The following PDHX variants were observed in gnomAD, a reference collection of about 807,000 sequenced individuals.
The protein encoded by PDHX is pyruvate dehydrogenase complex component X.
PDHX carries 33 observed loss-of-function variants against 55.3 expected under a neutral mutation model. The ratio of observed to expected loss-of-function variants is 0.60; its 90% CI spans 0.45 to 0.80. PDHX has a LOEUF of 0.80. Among genes scored for constraint, PDHX ranks in the 30% least tolerant of loss-of-function variants. The probability of loss-of-function intolerance (pLI) is 0.00; values close to 1 mark genes in which losing one functional copy is unlikely to be tolerated. For synonymous variants in PDHX, 226 were observed against 219.4 expected (o/e 1.03, Z -0.27); for missense variants, 622 against 619.9 (o/e 1.00, Z -0.04).
intron 6 of PDHX, 132 bp downstream of exon 6, chr11:34,966,946 A>T: frequency 2.7e-6 from 2 of 752,836 alleles, no homozygotes; most frequent in Non-Finnish European, 2.2e-6. Context: ...CTGCCTCCCA[A>T]GTTCAAGTGA....
chr11:34,949,532 C>T (rs188213252), intron 3 of PDHX, among the ~76,000 whole-genome samples: 1 of 152,210 alleles, frequency 6.6e-6, no homozygotes, highest in African/African-American at 2.4e-5. Context: ...CCACCATGCC[C>T]TGTCAAAACT....
intron 10 of PDHX, among the ~76,000 whole-genome samples, chr11:34,992,910 A>G (rs889295679): frequency 2.0e-5 from 3 of 151,604 alleles, no homozygotes; most frequent in Non-Finnish European, 4.4e-5. Flanking sequence ...TTTAGCAGCT[A>G]CTACCAAACA....
Position 34,960,492 on chromosome 11 carries a change from T to A in PDHX, c.615T>A (p.Thr205=), listed in dbSNP as rs1260410020. ...HSLDASQGTA[T]GPRGIFTKED... is the part of the protein sequence containing the mutation. Reference sequence around the variant, plus strand: ...TGGATGCTAGCCAGGGCACAGCCACTGGCCCTCGGGGGATATTCACTAAAG... The same window carrying A: ...TGGATGCTAGCCAGGGCACAGCCACAGGCCCTCGGGGGATATTCACTAAAG... Residue 205 remains threonine, a synonymous_variant, in exon 5 of 11, where the codon ACT becomes ACA. Transcript: ENST00000227868. 3 of 1,610,122 alleles carry A rather than the reference T, an allele frequency of 1.9e-6. No homozygotes were observed. The African/African-American group carries it at 4.0e-5, about 21-fold the overall frequency.
chr11:34,921,917 A>T (rs1297227245), intron 1 of PDHX, among the ~76,000 whole-genome samples: 1 of 152,154 alleles, frequency 6.6e-6, no homozygotes. Context: ...CATCATAAAA[A>T]CCCTGCAAAG....
At chr11:34,917,030 C>A (rs780787594) in intron 1 of PDHX, among the ~76,000 whole-genome samples, 5 of 152,056 alleles carry the variant, frequency 3.3e-5, no homozygotes, top group Non-Finnish European at 7.4e-5. Flanking sequence ...CCCTAGGCCC[C>A]CTGGTTTGTA....
At chr11:34,916,021 C>T, upstream of PDHX, 1 of 647,568 alleles carries the variant, frequency 1.5e-6, no homozygotes, top group Non-Finnish European at 2.6e-6. Context: ...TCGGAGCGCC[C>T]CGCCCGAGAC....
chr11:34,992,380 G>A lies in PDHX; in HGVS notation c.1247+1G>A. 1 of 1,549,494 alleles carries A rather than the reference G, an allele frequency of 6.5e-7. No individual in the cohort carries two copies. The highest frequency in any genetic ancestry group is 8.9e-7 in the Non-Finnish European group (1 of 1,122,154). On this transcript the variant is annotated splice_donor_variant, in intron 10 of 10. Transcript: ENST00000227868. LOFTEE classifies it high-confidence loss of function. The stretch of plus-strand genomic sequence containing the variant: ...AAGAATACCAAGGAGGATCTTTTAG[G>A]TAAAATTTAAACTCTTAATTATCCA...
In PDHX at chr11:34,995,308, T is replaced by C. The variant is rs1855838294; in HGVS notation, c.*136T>C. The C allele has an allele frequency of 1.1e-6, 1 of 931,218 alleles. No individual in the cohort carries two copies. The highest frequency in any genetic ancestry group is 1.9e-5 in the Admixed American group (1 of 53,478). The allele number at this position is 931,218 out of a possible 1,614,324, so 57.7% of individuals were successfully genotyped here. A position where few individuals can be genotyped will look rare whatever the true frequency, so the allele number is the denominator to read the frequency against. On this transcript the variant is annotated 3_prime_UTR_variant, in exon 11 of 11. Transcript: ENST00000227868. ...TTTATTTATTTAAGGTGAAAGCATT[T>C]GACCCAGGGTGTCTTCATCTTCAAT... is the stretch of plus-strand genomic sequence containing the variant.
intron 3 of PDHX, among the ~76,000 whole-genome samples, chr11:34,953,939 T>C (rs1854843467): frequency 6.6e-6 from 1 of 152,268 alleles, no homozygotes; most frequent in South Asian, 2.1e-4. Flanking sequence ...AATGAATGTT[T>C]CTTCTTCCCC....
In PDHX at chr11:34,945,921, G is replaced by A. The variant is rs532981722; in HGVS notation, c.242-1585G>A. On this transcript the variant is annotated intron_variant, in intron 2 of 10. Coordinates refer to ENST00000227868, the MANE Select transcript of PDHX (RefSeq NM_003477.3). ...AATTCATTCAAAACTCTTTGATGAT[G>A]AGAGTATACATCTCCAGTTCTGGGA... Among the ~76,000 whole-genome samples the A allele has an allele frequency of 5.9e-5, 9 of 152,240 alleles. No homozygotes were observed. The East Asian group carries it at 1.4e-3, about 23-fold the overall frequency.
rs1393633501 is a variant in PDHX at position 34,995,282 on chromosome 11, GTTTA to G, written c.*119_*122del. 9 of 1,220,742 alleles carry G rather than the reference GTTTA, an allele frequency of 7.4e-6. No homozygotes were observed. The highest frequency in any genetic ancestry group is 3.0e-5 in the African/African-American group (2 of 67,332). The allele number at this position is 1,220,742 out of a possible 1,614,324, so 75.6% of individuals were successfully genotyped here. On this transcript the variant is annotated 3_prime_UTR_variant, in exon 11 of 11. Coordinates refer to ENST00000227868, the MANE Select transcript of PDHX (RefSeq NM_003477.3). ...TATTTAAGTATGAAGTGGATGAAAT[GTTTA>G]TTTATTTAAGGTGAAAGCATTTGAC...
intron 1 of PDHX, among the ~76,000 whole-genome samples, chr11:34,921,599 G>GTATTT (rs569282841): frequency 8.7e-4 from 132 of 152,316 alleles, no homozygotes; most frequent in African/African-American, 2.4e-3. Context: ...CAGTAATGCA[G>GTATTT]TATTTTATTT....
chr11:34,989,634 CTG>C, intron 9 of PDHX, among the ~76,000 whole-genome samples: 1 of 152,314 alleles, frequency 6.6e-6, no homozygotes, highest in South Asian at 2.1e-4. Flanking sequence ...ACACTTCCCT[CTG>C]ATCGTCACTT....
At position 34,928,443 on chromosome 11, in the gene PDHX, GT is replaced by G. The variant is rs1443240912; in HGVS notation, c.161-2952del. ...CCGTGGTGCTATTTAAAAGATAAGAGTTTTTTTTTGCCCACCCCCCTCCTTT... is the reference window on the plus strand; with the variant it reads ...CCGTGGTGCTATTTAAAAGATAAGAGTTTTTTTTGCCCACCCCCCTCCTTT... On this transcript the variant is annotated intron_variant, in intron 1 of 10. Transcript: ENST00000227868. Among the ~76,000 whole-genome samples, 597 of 144,616 alleles carry G rather than the reference GT, an allele frequency of 4.1e-3. 6 individuals carry two copies. The highest frequency in any genetic ancestry group is 0.015 in the African/African-American group (576 of 39,720). 94.9% of individuals were successfully genotyped at this position (144,616 alleles called of 152,430 possible).
chr11:34,978,597 C>T (rs912299439), intron 8 of PDHX, among the ~76,000 whole-genome samples: 1 of 152,002 alleles, frequency 6.6e-6, no homozygotes, highest in Non-Finnish European at 1.5e-5. Flanking sequence ...TCTGACAAGG[C>T]GATAATTTAG....
intron 7 of PDHX, among the ~76,000 whole-genome samples, chr11:34,973,741 A>T (rs1317669632): frequency 6.6e-6 from 1 of 152,142 alleles, no homozygotes; most frequent in Non-Finnish European, 1.5e-5. Context: ...TCTATATATG[A>T]TGTAAGCCCC....
chr11:34,968,254 C>G (rs1855177711), intron 6 of PDHX, among the ~76,000 whole-genome samples: 1 of 117,504 alleles, frequency 8.5e-6, no homozygotes, highest in African/African-American at 2.8e-5. Flanking sequence ...GAGGAAGACC[C>G]TATCTCAAAA....
chr11:34,953,520 G>C (rs2915227), intron 3 of PDHX, among the ~76,000 whole-genome samples: 101,907 of 152,074 alleles, frequency 0.67, 34,688 homozygotes, highest in East Asian at 0.77. Flanking sequence ...AGTTATGACA[G>C]ATTGTGAGGA....
At chr11:34,972,265 G>C (rs2085793425) in intron 7 of PDHX, among the ~76,000 whole-genome samples, 1 of 148,950 alleles carries the variant, frequency 6.7e-6, no homozygotes, top group African/African-American at 2.5e-5. Context: ...AGTTTACTTT[G>C]CTCTTTTATT....
Sources: gnomAD v4.1 joint callset for allele counts (sites outside exome capture counted in the v4.1 genomes callset) on GRCh38, gnomAD v4.1.1 for gene constraint, MANE v1.5 for transcripts, NCBI Gene and HGNC (gene_info 2026-07-23, HGNC 2026-07-21) for gene names.